Variants in ARID3B observed in about 807,000 individuals in gnomAD.
The protein encoded by ARID3B is AT-rich interaction domain 3B.
In ARID3B, 10 loss-of-function variants were observed where a neutral mutation model predicts 51.9. That is an observed-to-expected ratio of 0.19 (90% CI 0.12 to 0.33). The LOEUF is 0.33. Among genes scored for constraint, ARID3B ranks in the 10% least tolerant of loss-of-function variants. The probability of loss-of-function intolerance (pLI) is 1.00; values close to 1 mark genes in which losing one functional copy is unlikely to be tolerated. For synonymous variants in ARID3B, 205 were observed against 279.5 expected (o/e 0.73, Z 2.66); for missense variants, 483 against 716.3 (o/e 0.67, Z 3.72).
chr15:74,558,871 G>A (rs1449239191), intron 2 of ARID3B, among the ~76,000 whole-genome samples: 9 of 152,114 alleles, frequency 5.9e-5, no homozygotes, highest in Admixed American at 5.2e-4. Context: ...TCCCTCTGCT[G>A]GGGCTGCACA....
chr15:74,589,737 G>T, intron 4 of ARID3B, 83 bp from the exon 5 acceptor site: 1 of 1,379,628 alleles, frequency 7.2e-7, no homozygotes. Context: ...TTTCCAGCTC[G>T]GCTAAAGGTG....
At chr15:74,556,141 T>G (rs2061656786) in intron 2 of ARID3B, among the ~76,000 whole-genome samples, 1 of 152,110 alleles carries the variant, frequency 6.6e-6, no homozygotes, top group African/African-American at 2.4e-5. Flanking sequence ...ATTTCTAGCT[T>G]TTGATTTAAA....
intron 4 of ARID3B, among the ~76,000 whole-genome samples, chr15:74,583,853 T>C (rs2061770440): frequency 6.6e-6 from 1 of 152,176 alleles, no homozygotes; most frequent in South Asian, 2.1e-4. Context: ...CAGTGGGCAG[T>C]TGGAGGTGGA....
intron 2 of ARID3B, among the ~76,000 whole-genome samples, chr15:74,565,508 G>A (rs1001854940): frequency 2.0e-5 from 3 of 152,224 alleles, no homozygotes; most frequent in African/African-American, 7.2e-5. Context: ...CCAAGGAAGG[G>A]TTAACCCTTG....
chr15:74,584,511 G>T (rs1046251013), intron 4 of ARID3B, among the ~76,000 whole-genome samples: 4 of 152,086 alleles, frequency 2.6e-5, no homozygotes, highest in African/African-American at 4.8e-5. Flanking sequence ...CCCCTGCCCA[G>T]TGGGCAGGAA....
Position 74,591,889 on chromosome 15 carries a change from G to A in ARID3B, c.1420+75G>A, listed in dbSNP as rs2061805325. ...ATTCACGCCTCCTGGGACTGGTGGGGCAGGGGTGGTGAGGCACATACTCCT... is the reference window on the plus strand; with the variant it reads ...ATTCACGCCTCCTGGGACTGGTGGGACAGGGGTGGTGAGGCACATACTCCT... On this transcript the variant is annotated intron_variant, in intron 7 of 8. Coordinates refer to ENST00000346246, the MANE Select transcript of ARID3B (RefSeq NM_006465.4). This position sits in a 1 kb window ranked among gnomAD's most constrained non-coding sequence, Gnocchi z 5.8. 1 of 1,560,732 alleles carries A rather than the reference G, an allele frequency of 6.4e-7. No homozygotes were observed. The highest frequency in any genetic ancestry group is 8.7e-7 in the Non-Finnish European group (1 of 1,150,626).
Position 74,549,371 on chromosome 15 carries a change from G to A in ARID3B, c.552+4883G>A, listed in dbSNP as rs1056797814. On this transcript the variant is annotated intron_variant, in intron 2 of 8. Transcript: ENST00000346246. The stretch of plus-strand genomic sequence containing the variant: ...ATTACAGGCGTGAGCCACTGCGCCC[G>A]GCCGGGATAGGCCTACTTTTCTTGG... Among the ~76,000 whole-genome samples, 3 of 152,058 alleles carry A rather than the reference G, an allele frequency of 2.0e-5. No homozygotes were observed. In the South Asian group the frequency reaches 6.2e-4, roughly 32 times the overall value.
chr15:74,576,386 ACT>A (rs941820835), intron 4 of ARID3B, among the ~76,000 whole-genome samples: 2 of 151,032 alleles, frequency 1.3e-5, no homozygotes, highest in Non-Finnish European at 1.5e-5. Flanking sequence ...TGCAAGAAAA[ACT>A]CTTAGCTGAG....
chr15:74,597,132 C>G lies in ARID3B; in HGVS notation c.*1358C>G. 2 of 246,672 alleles carry G rather than the reference C, an allele frequency of 8.1e-6. No individual in the cohort carries two copies. The highest frequency in any genetic ancestry group is 1.6e-5 in the Non-Finnish European group (2 of 126,416). 15.3% of individuals were successfully genotyped at this position (246,672 alleles called of 1,614,324 possible). A position where few individuals can be genotyped will look rare whatever the true frequency, so the allele number is the denominator to read the frequency against. On this transcript the variant is annotated 3_prime_UTR_variant, in exon 9 of 9. Coordinates refer to ENST00000346246, the MANE Select transcript of ARID3B (RefSeq NM_006465.4). ...CTCAGGGCACAGGCAGGCTGGGGTC[C>G]TCGCTGGCCTTGCCAGAGGTTGAGC... is the stretch of plus-strand genomic sequence containing the variant.
intron 4 of ARID3B, among the ~76,000 whole-genome samples, chr15:74,580,078 C>T (rs979834983): frequency 9.9e-5 from 15 of 152,148 alleles, no homozygotes; most frequent in African/African-American, 3.6e-4. Context: ...GCAATCCCAG[C>T]TACTCGGGAG....
chr15:74,588,952 G>A (rs1234334553), intron 4 of ARID3B, among the ~76,000 whole-genome samples: 4 of 150,528 alleles, frequency 2.7e-5, no homozygotes, highest in Admixed American at 6.6e-5. Context: ...CGGGGCACAC[G>A]AGAGAGAAAT....
chr15:74,579,895 A>T (rs2061754202), intron 4 of ARID3B, among the ~76,000 whole-genome samples: 1 of 150,810 alleles, frequency 6.6e-6, no homozygotes. Context: ...ACACGCAAAA[A>T]ATACACACGT....
intron 4 of ARID3B, among the ~76,000 whole-genome samples, chr15:74,580,833 G>A (rs1488510287): frequency 6.6e-6 from 1 of 152,208 alleles, no homozygotes; most frequent in South Asian, 2.1e-4. Context: ...CAAGAGGGTG[G>A]TGGCCTGCCT....
intron 2 of ARID3B, among the ~76,000 whole-genome samples, chr15:74,546,838 G>A (rs779561427): frequency 3.9e-5 from 6 of 152,174 alleles, no homozygotes; most frequent in African/African-American, 9.7e-5. Context: ...GACTTAAACC[G>A]TCAGATGTGC....
chr15:74,593,397 GTAGACTGTGGATTGTTAA>G (rs2061811301), intron 8 of ARID3B, 161 bp downstream of exon 8: 1 of 639,080 alleles, frequency 1.6e-6, no homozygotes, highest in African/African-American at 1.8e-5. Context: ...CTCTGGACTA[GTAGACTGTGGATTGTTAA>G]CAGGATGATA....
Position 74,597,516 on chromosome 15 carries a change from C to G in ARID3B, c.*1742C>G, listed in dbSNP as rs1463429355. ...TCACCCCCACTCCCACACACATACA[C>G]ACACACACACACATACCCCATCTCC... On this transcript the variant is annotated 3_prime_UTR_variant, in exon 9 of 9. Coordinates refer to ENST00000346246, the MANE Select transcript of ARID3B (RefSeq NM_006465.4). 12 of 529,212 alleles carry G rather than the reference C, an allele frequency of 2.3e-5. No homozygotes were observed. The highest frequency in any genetic ancestry group is 4.0e-5 in the Non-Finnish European group (11 of 273,608). 32.8% of individuals were successfully genotyped at this position (529,212 alleles called of 1,614,324 possible).
intron 4 of ARID3B, among the ~76,000 whole-genome samples, chr15:74,579,883 G>GCA (rs1491161853): frequency 8.6e-5 from 13 of 150,868 alleles, no homozygotes; most frequent in East Asian, 2.0e-4. Flanking sequence ...GCGCGCGCGC[G>GCA]CACACGCAAA....
intron 4 of ARID3B, among the ~76,000 whole-genome samples, chr15:74,583,143 T>A (rs2061767997): frequency 6.6e-6 from 1 of 151,070 alleles, no homozygotes; most frequent in South Asian, 2.1e-4. Context: ...GAGGCTGCAG[T>A]AAGGCGAGAT....
At position 74,591,092 on chromosome 15, in the gene ARID3B, A is replaced by C; in HGVS notation, c.882-59A>C. On this transcript the variant is annotated intron_variant, in intron 5 of 8. Coordinates refer to ENST00000346246, the MANE Select transcript of ARID3B (RefSeq NM_006465.4). This position sits in a 1 kb window ranked among gnomAD's most constrained non-coding sequence, Gnocchi z 5.8. ...TGCTTCCAGAGACCCACCAACCTCA[A>C]CTGGGTGGTCTCTGGTGCTGTTTTG... 2 of 1,535,138 alleles carry C rather than the reference A, an allele frequency of 1.3e-6. No individual in the cohort carries two copies. The highest frequency in any genetic ancestry group is 8.8e-7 in the Non-Finnish European group (1 of 1,137,280).
Sources: gnomAD v4.1 joint callset for allele counts (sites outside exome capture counted in the v4.1 genomes callset) on GRCh38, gnomAD v4.1.1 for gene constraint, Gnocchi (gnomAD v3.1) non-coding constraint, MANE v1.5 for transcripts, NCBI Gene and HGNC (gene_info 2026-07-23, HGNC 2026-07-21) for gene names.